The following DDAH1 variants were observed in gnomAD, a reference collection of about 807,000 sequenced individuals.
DDAH1 encodes dimethylarginine dimethylaminohydrolase 1, also known as N(G),N(G)-dimethylarginine dimethylaminohydrolase 1.
In DDAH1, 19 loss-of-function variants were observed where a neutral mutation model predicts 28.8. That is an observed-to-expected ratio of 0.66 (90% confidence interval 0.46 to 0.97). The LOEUF (loss-of-function observed/expected upper bound fraction) is 0.97, where lower values mean the gene tolerates loss of function less well. DDAH1 is among the 50% of genes least tolerant of loss of function. The pLI, the probability that DDAH1 is intolerant of heterozygous loss-of-function variation, is 0.00. For synonymous variants in DDAH1, 153 were observed against 154.4 expected, an observed-to-expected ratio of 0.99 and a Z score of 0.07; for missense variants, 326 against 375.9, an observed-to-expected ratio of 0.87 and a Z score of 1.10.
intron 1 of DDAH1, among the ~76,000 whole-genome samples, chr1:85,517,809 G>A (rs998425891): frequency 6.6e-6 from 1 of 152,084 alleles, no homozygotes; most frequent in African/African-American, 2.4e-5. Flanking sequence ...ACGAGCTTGT[G>A]CCATTACATC....
At chr1:85,545,721 TA>T (rs1340810832) in intron 1 of DDAH1, among the ~76,000 whole-genome samples, 1 of 152,140 alleles carries the variant, frequency 6.6e-6, no homozygotes. Context: ...CCATTTAAAT[TA>T]GTTCGTTCTA....
Position 85,349,131 on chromosome 1 carries a change from G to A in DDAH1, c.597+1284C>T, listed in dbSNP as rs78559308. On this transcript the variant is annotated intron_variant, in intron 4 of 5. Coordinates refer to ENST00000284031, the MANE Select transcript of DDAH1 (RefSeq NM_012137.4). ...AGACACCAGCTTTTTTTATATGCAAGAAGTTGACATGAACTTCCAGATGGA... is the reference window on the plus strand; with the variant it reads ...AGACACCAGCTTTTTTTATATGCAAAAAGTTGACATGAACTTCCAGATGGA... Among the ~76,000 whole-genome samples, 325 of 152,292 alleles carry A rather than the reference G, an allele frequency of 2.1e-3. 3 individuals are homozygous for A. The East Asian group carries it at 0.038, about 18-fold the overall frequency.
In DDAH1 at chr1:85,577,922, G is replaced by T. The variant is rs532805155; in HGVS notation, c.-123+62C>A. On this transcript the variant is annotated intron_variant, in intron 1 of 6. Transcript: ENST00000426972. ...ATTTCCTCCTGGGGCACCCGTATGGGGAGGGTGAAGGAGAAACTAGCAAAA... is the reference window on the plus strand; with the variant it reads ...ATTTCCTCCTGGGGCACCCGTATGGTGAGGGTGAAGGAGAAACTAGCAAAA... 1.8e-4 allele frequency: 175 copies of T among 958,448 alleles called. 1 individual carries two copies. The South Asian group carries it at 7.3e-3, about 40-fold the overall frequency. 59.4% of individuals were successfully genotyped at this position (958,448 alleles called of 1,614,324 possible). A position where few individuals can be genotyped will look rare whatever the true frequency, so the allele number is the denominator to read the frequency against.
At chr1:85,345,051 G>T (rs1422613342) in intron 4 of DDAH1, among the ~76,000 whole-genome samples, 2 of 152,154 alleles carry the variant, frequency 1.3e-5, no homozygotes, top group African/African-American at 2.4e-5. Context: ...TATACAAAGT[G>T]TAATATATAA....
intron 1 of DDAH1, among the ~76,000 whole-genome samples, chr1:85,366,186 C>T (rs1453996889): frequency 1.3e-5 from 2 of 151,750 alleles, no homozygotes; most frequent in South Asian, 2.1e-4. Flanking sequence ...TATTTAATCA[C>T]GATAATCTTT....
At chr1:85,523,673 AAG>A (rs1452118932) in intron 1 of DDAH1, among the ~76,000 whole-genome samples, 5 of 152,234 alleles carry the variant, frequency 3.3e-5, no homozygotes, top group African/African-American at 1.2e-4. Context: ...GAGTGTGTGA[AAG>A]AGCACAGAAC....
At position 85,318,617 on chromosome 1, in the gene DDAH1, C is replaced by T; in HGVS notation, c.*2835G>A. On this transcript the variant is annotated 3_prime_UTR_variant, in exon 6 of 6. Coordinates refer to ENST00000284031, the MANE Select transcript of DDAH1 (RefSeq NM_012137.4). Reference sequence around the variant, plus strand: ...GAAAGGCATGATTGGTTTTGGCACACAGAGTGGATAACCATACATTGGCTG... The same window carrying T: ...GAAAGGCATGATTGGTTTTGGCACATAGAGTGGATAACCATACATTGGCTG... The T allele has an allele frequency of 6.6e-6, 1 of 152,608 alleles. No individual in the cohort carries two copies. Among genetic ancestry groups the T allele is most frequent in the Non-Finnish European group, 1.5e-5 (1 of 68,042 alleles). 9.5% of individuals were successfully genotyped at this position (152,608 alleles called of 1,614,324 possible). A position where few individuals can be genotyped will look rare whatever the true frequency, so the allele number is the denominator to read the frequency against.
chr1:85,525,380 C>T lies in DDAH1; in HGVS notation c.-122-29099G>A, dbSNP rs571276451. ...TAGCTAGCTGACTGTTGACACTTAACTCAGTTGATAGGACATGTCCTCTGG... is the reference window on the plus strand; with the variant it reads ...TAGCTAGCTGACTGTTGACACTTAATTCAGTTGATAGGACATGTCCTCTGG... On this transcript the variant is annotated intron_variant, in intron 1 of 6. Coordinates refer to the DDAH1 transcript ENST00000426972. Among the ~76,000 whole-genome samples the T allele has an allele frequency of 3.0e-4, 45 of 152,270 alleles. No individual in the cohort carries two copies. In the East Asian group the frequency reaches 7.7e-3, roughly 26 times the overall value.
At chr1:85,422,778 G>A (rs951831122) in intron 1 of DDAH1, among the ~76,000 whole-genome samples, 14 of 152,140 alleles carry the variant, frequency 9.2e-5, no homozygotes, top group Admixed American at 7.9e-4. Context: ...ATGAGGTAAC[G>A]AGGGTGGGGC....
intron 1 of DDAH1, among the ~76,000 whole-genome samples, chr1:85,558,929 T>C (rs571541743): frequency 1.3e-5 from 2 of 152,356 alleles, no homozygotes; most frequent in African/African-American, 4.8e-5. Context: ...TCTTAATGGC[T>C]GCATAATTCC....
intron 1 of DDAH1, among the ~76,000 whole-genome samples, chr1:85,365,187 A>G (rs1391989590): frequency 2.0e-5 from 3 of 152,220 alleles, no homozygotes. Flanking sequence ...ATAGCAAGTA[A>G]GCAGAGAGCT....
chr1:85,571,116 GAACATGAACC>G (rs1659442731), intron 1 of DDAH1, among the ~76,000 whole-genome samples: 1 of 152,162 alleles, frequency 6.6e-6, no homozygotes, highest in South Asian at 2.1e-4. Context: ...GGGCTCTCCT[GAACATGAACC>G]TGTAAGGCGT....
intron 1 of DDAH1, among the ~76,000 whole-genome samples, chr1:85,369,216 T>A (rs1375118276): frequency 2.0e-5 from 3 of 148,426 alleles, no homozygotes; most frequent in African/African-American, 7.5e-5. Flanking sequence ...GTGTGCCCAA[T>A]GGCCAATTTT....
intron 1 of DDAH1, among the ~76,000 whole-genome samples, chr1:85,576,180 A>C (rs1424521125): frequency 6.6e-6 from 1 of 152,246 alleles, no homozygotes; most frequent in Non-Finnish European, 1.5e-5. Context: ...AAGGCATTTA[A>C]AATGATGCCC....
intron 4 of DDAH1, among the ~76,000 whole-genome samples, chr1:85,349,864 AG>A (rs1314065307): frequency 1.3e-5 from 2 of 152,216 alleles, no homozygotes; most frequent in Non-Finnish European, 2.9e-5. Context: ...GACCTGGGCA[AG>A]TCTAATTTTC....
At chr1:85,344,417 T>G (rs982507481) in intron 4 of DDAH1, among the ~76,000 whole-genome samples, 7 of 152,212 alleles carry the variant, frequency 4.6e-5, no homozygotes, top group East Asian at 1.9e-4. Flanking sequence ...CTCCTCCTGC[T>G]GCCCGGCCAG....
At chr1:85,526,913 A>T (rs1533959) in intron 1 of DDAH1, among the ~76,000 whole-genome samples, 98,032 of 149,536 alleles carry the variant, frequency 0.66, 32,737 homozygotes, top group Middle Eastern at 0.76. Context: ...CAGAATCGGA[A>T]ATGTTAATAG....
intron 1 of DDAH1, among the ~76,000 whole-genome samples, chr1:85,549,321 C>T (rs1034021664): frequency 6.6e-6 from 1 of 152,146 alleles, no homozygotes; most frequent in Admixed American, 6.5e-5. Context: ...TTTTACCATC[C>T]TCAGAACCAC....
At chr1:85,497,408 C>A (rs1422392976) in intron 1 of DDAH1, among the ~76,000 whole-genome samples, 2 of 152,196 alleles carry the variant, frequency 1.3e-5, no homozygotes, top group African/African-American at 2.4e-5. Flanking sequence ...GAAAAGACAG[C>A]AGTCCTTTTT....
Sources: gnomAD v4.1 joint callset for allele counts (sites outside exome capture counted in the v4.1 genomes callset) on GRCh38, gnomAD v4.1.1 for gene constraint, MANE v1.5 for transcripts, NCBI Gene and HGNC (gene_info 2026-07-23, HGNC 2026-07-21) for gene names.